GRIP2: variants seen among roughly 807,000 people sequenced by gnomAD.
GRIP2 encodes glutamate receptor interacting protein 2.
In GRIP2, 58 loss-of-function variants were observed where a neutral mutation model predicts 108.3. The ratio of observed to expected loss-of-function variants is 0.54; its 90% CI spans 0.43 to 0.67. The LOEUF (loss-of-function observed/expected upper bound fraction) is 0.67, where lower values mean the gene tolerates loss of function less well. Ranked by LOEUF, GRIP2 falls within the 30% of genes least tolerant of loss-of-function variation. GRIP2 has a pLI of 0.00. For missense variants in GRIP2, 1,278 were observed against 1,430.6 expected, an observed-to-expected ratio of 0.89 and a Z score of 1.72; for synonymous variants, 586 against 598.2, an observed-to-expected ratio of 0.98 and a Z score of 0.30.
the GRIP2 span, chr3:14,574,362 C>T: frequency 9.9e-5 from 95 of 956,998 alleles, no homozygotes; most frequent in Non-Finnish European, 1.4e-4. Flanking sequence ...GCGCTGGTTC[C>T]GCCGCGGCCC....
At chr3:14,563,001 A>G in the GRIP2 span, among the ~76,000 whole-genome samples, 5 of 152,118 alleles carry the variant, frequency 3.3e-5, no homozygotes, top group African/African-American at 9.7e-5. Context: ...CCAACAAATA[A>G]TGAGAGTGGG....
chr3:14,563,831 C>G, the GRIP2 span, among the ~76,000 whole-genome samples: 1 of 152,202 alleles, frequency 6.6e-6, no homozygotes, highest in Non-Finnish European at 1.5e-5. Flanking sequence ...CTACTGAACA[C>G]TGGAGTGGAG....
chr3:14,548,878 A>C (rs537205145), intron 1 of GRIP2, among the ~76,000 whole-genome samples: 5 of 151,664 alleles, frequency 3.3e-5, no homozygotes, highest in Non-Finnish European at 7.4e-5. Context: ...CTTTGCACAG[A>C]CTCTTCCCTT....
chr3:14,572,312 G>A, the GRIP2 span, among the ~76,000 whole-genome samples: 1 of 151,810 alleles, frequency 6.6e-6, no homozygotes, highest in Non-Finnish European at 1.5e-5. Flanking sequence ...CACATGAGGT[G>A]GTCGTCAAGA....
Position 14,493,653 on chromosome 3 carries a change from C to T in GRIP2, c.*12G>A, listed in dbSNP as rs373836618. On this transcript the variant is annotated 3_prime_UTR_variant, in exon 24 of 24. Transcript: ENST00000621039. ...TGGGTGGCCCCTTAGGAGTTCGGCC[C>T]ACATGCTGACTTCAGAGCATCCGGG... 97 of 1,584,800 alleles carry T rather than the reference C, an allele frequency of 6.1e-5. No homozygotes were observed. The highest frequency in any genetic ancestry group is 8.2e-5 in the Non-Finnish European group (96 of 1,164,126).
chr3:14,585,417 G>T, the GRIP2 span, among the ~76,000 whole-genome samples: 213 of 152,354 alleles, frequency 1.4e-3, 1 homozygote, highest in African/African-American at 4.8e-3. Context: ...GGCCCACACA[G>T]CCTCCATATA....
intron 1 of GRIP2, among the ~76,000 whole-genome samples, chr3:14,527,286 G>A (rs1443504719): frequency 6.6e-6 from 1 of 151,844 alleles, no homozygotes; most frequent in Non-Finnish European, 1.5e-5. Flanking sequence ...TCTTTTCCAA[G>A]GCATTGCCTT....
At chr3:14,516,361 A>G (rs1694247801) in intron 11 of GRIP2, among the ~76,000 whole-genome samples, 1 of 152,124 alleles carries the variant, frequency 6.6e-6, no homozygotes. Context: ...TCCTTCCTGG[A>G]GGCCTCTGCA....
the GRIP2 span, among the ~76,000 whole-genome samples, chr3:14,565,849 G>A: frequency 5.3e-5 from 8 of 152,282 alleles, no homozygotes; most frequent in East Asian, 1.2e-3. Context: ...CGGCCACCTC[G>A]TCACCAGCAC....
At chr3:14,534,373 C>A (rs1694784047) in intron 1 of GRIP2, among the ~76,000 whole-genome samples, 1 of 152,158 alleles carries the variant, frequency 6.6e-6, no homozygotes, top group African/African-American at 2.4e-5. Flanking sequence ...CCTAGGCCCC[C>A]TCCTCAGAGA....
chr3:14,557,204 G>A (rs1481289772), upstream of GRIP2, among the ~76,000 whole-genome samples: 1 of 152,178 alleles, frequency 6.6e-6, no homozygotes, highest in East Asian at 1.9e-4. Flanking sequence ...AGGATTCCTA[G>A]GACGGATGGA....
the GRIP2 span, chr3:14,602,387 A>T: frequency 6.6e-6 from 1 of 151,852 alleles, no homozygotes; most frequent in African/African-American, 2.4e-5. The surrounding 1 kb of genome is among the most constrained non-coding windows in gnomAD (Gnocchi z 4.7). Context: ...ACTTTGAGTA[A>T]CCGCGGACTC....
the GRIP2 span, among the ~76,000 whole-genome samples, chr3:14,568,392 C>G: frequency 6.6e-6 from 1 of 152,146 alleles, no homozygotes; most frequent in Non-Finnish European, 1.5e-5. Context: ...ACACACACAG[C>G]CCTGTGAGGC....
chr3:14,554,948 T>C (rs896978981), intron 1 of GRIP2, among the ~76,000 whole-genome samples: 1 of 152,122 alleles, frequency 6.6e-6, no homozygotes, highest in Non-Finnish European at 1.5e-5. Flanking sequence ...GCAAGATGAT[T>C]CTTGCTCCTC....
the GRIP2 span, among the ~76,000 whole-genome samples, chr3:14,589,526 T>C: frequency 6.6e-6 from 1 of 152,182 alleles, no homozygotes; most frequent in Admixed American, 6.5e-5. Context: ...CAATCCCCTA[T>C]AGACAGTTGG....
At chr3:14,548,146 G>A (rs1695085100) in intron 1 of GRIP2, among the ~76,000 whole-genome samples, 1 of 152,204 alleles carries the variant, frequency 6.6e-6, no homozygotes, top group African/African-American at 2.4e-5. Flanking sequence ...GGATTTCCAG[G>A]GAGAGGGCAC....
At chr3:14,519,544 C>T (rs922962183) in intron 9 of GRIP2, among the ~76,000 whole-genome samples, 10 of 152,226 alleles carry the variant, frequency 6.6e-5, no homozygotes, top group African/African-American at 2.2e-4. Flanking sequence ...GGCTGCTGGA[C>T]GTGCTTTCCT....
At chr3:14,589,388 G>A in the GRIP2 span, among the ~76,000 whole-genome samples, 1 of 152,194 alleles carries the variant, frequency 6.6e-6, no homozygotes, top group Non-Finnish European at 1.5e-5. Context: ...AGAAATGGAT[G>A]ATGGTAGTTG....
In GRIP2 at chr3:14,505,850, C is replaced by T; in HGVS notation, c.2399-61G>A. ...GCCTCACCTTGCCCTCCTGCCTGCC[C>T]CATTTCCAGCTGTGCTGAGTGACCC... On this transcript the variant is annotated intron_variant, in intron 19 of 23. Transcript: ENST00000621039. The surrounding 1 kb of genome is among the most constrained non-coding windows in gnomAD (Gnocchi z 4.2). 7.0e-7 allele frequency: 1 copy of T among 1,432,126 alleles called. No individual in the cohort carries two copies. The highest frequency in any genetic ancestry group is 9.2e-7 in the Non-Finnish European group (1 of 1,082,046). The allele number at this position is 1,432,126 out of a possible 1,614,324, so 88.7% of individuals were successfully genotyped here. A position where few individuals can be genotyped will look rare whatever the true frequency, so the allele number is the denominator to read the frequency against.
Sources: gnomAD v4.1 joint callset for allele counts (sites outside exome capture counted in the v4.1 genomes callset) on GRCh38, gnomAD v4.1.1 for gene constraint, Gnocchi (gnomAD v3.1) non-coding constraint, MANE v1.5 for transcripts, NCBI Gene and HGNC (gene_info 2026-07-23, HGNC 2026-07-21) for gene names.